CUL2: variants seen among roughly 807,000 people sequenced by gnomAD.
CUL2 encodes the protein cullin-2.
A neutral mutation model predicts 110.2 loss-of-function variants in CUL2; 22 were observed. That is an observed-to-expected ratio of 0.20 (90% CI 0.14 to 0.28). CUL2 has a LOEUF of 0.28. Among genes scored for constraint, CUL2 ranks in the 10% least tolerant of loss-of-function variants. The probability of loss-of-function intolerance (pLI) is 1.00; values close to 1 mark genes in which losing one functional copy is unlikely to be tolerated. For missense variants in CUL2, 631 were observed against 905.5 expected, an observed-to-expected ratio of 0.70 and a Z score of 3.89; for synonymous variants, 279 against 293.2, an observed-to-expected ratio of 0.95 and a Z score of 0.49.
chr10:35,065,736 G>T (rs2086503051), intron 2 of CUL2, among the ~76,000 whole-genome samples: 1 of 152,080 alleles, frequency 6.6e-6, no homozygotes, highest in South Asian at 2.1e-4. Flanking sequence ...GCACATGCCT[G>T]TAATGCCAGC....
intron 1 of CUL2, 55 bp from the exon 2 acceptor site, chr10:35,071,394 TTTG>T (rs1418754790): frequency 1.0e-5 from 15 of 1,486,352 alleles, no homozygotes; most frequent in Admixed American, 5.6e-5. Context: ...GCTTAGTTTT[TTTG>T]TTGTTGTTTT....
At chr10:35,023,755 A>T (rs1469001746) in intron 17 of CUL2, among the ~76,000 whole-genome samples, 4 of 130,822 alleles carry the variant, frequency 3.1e-5, no homozygotes, top group Non-Finnish European at 6.8e-5. Flanking sequence ...TAGTTTTCTT[A>T]GGGGAAAAAA....
At chr10:35,054,673 T>C (rs2086198872) in intron 4 of CUL2, 134 bp from the exon 5 acceptor site, 2 of 515,590 alleles carry the variant, frequency 3.9e-6, no homozygotes, top group African/African-American at 4.0e-5. Context: ...CCAAAAGAAA[T>C]GAATTATGTA....
chr10:35,061,874 CAG>C (rs1285496693), intron 3 of CUL2, among the ~76,000 whole-genome samples: 5 of 150,558 alleles, frequency 3.3e-5, no homozygotes, highest in African/African-American at 1.2e-4. Flanking sequence ...TCCCAAAGTA[CAG>C]AGATTACAGG....
chr10:35,119,558 A>AATTT (rs2087651042), intron 1 of CUL2, among the ~76,000 whole-genome samples: 1 of 140,900 alleles, frequency 7.1e-6, no homozygotes, highest in Non-Finnish European at 1.5e-5. Flanking sequence ...TTTTAAAATT[A>AATTT]ATTTTATTTA....
chr10:35,020,175 A>T (rs985828258), intron 17 of CUL2, among the ~76,000 whole-genome samples: 8 of 152,242 alleles, frequency 5.3e-5, no homozygotes, highest in African/African-American at 1.2e-4. Flanking sequence ...TTAAAAAAAA[A>T]AAAAATAAAT....
At chr10:35,028,914 A>G in intron 15 of CUL2, 27 bp from the exon 16 acceptor site, 1 of 1,376,934 alleles carries the variant, frequency 7.3e-7, no homozygotes. Context: ...AAAATAAAAT[A>G]AGCTAAATGG....
intron 2 of CUL2, among the ~76,000 whole-genome samples, chr10:35,068,847 T>C (rs1426864542): frequency 6.6e-6 from 1 of 152,122 alleles, no homozygotes; most frequent in African/African-American, 2.4e-5. Context: ...TTTTACCTTA[T>C]AACAATTAGT....
At position 35,082,148 on chromosome 10, in the gene CUL2, A is replaced by T. The variant is rs1231547457; in HGVS notation, c.-23+8031T>A. ...TCATCTTGACTGAAAAAAAAAAAAAATTTGCCTGCAGTGAGTTATGATCAC... is the reference window on the plus strand; with the variant it reads ...TCATCTTGACTGAAAAAAAAAAAAATTTTGCCTGCAGTGAGTTATGATCAC... On this transcript the variant is annotated intron_variant, in intron 1 of 20. Coordinates refer to ENST00000374749, the MANE Select transcript of CUL2 (RefSeq NM_003591.4). Among the ~76,000 whole-genome samples the T allele has an allele frequency of 1.3e-5, 2 of 151,656 alleles. 1 individual carries two copies. Among genetic ancestry groups the T allele is most frequent in the Admixed American group, 1.3e-4 (2 of 15,218 alleles).
chr10:35,026,282 A>AG lies in CUL2; in HGVS notation c.1618-1085dup, dbSNP rs2085333903. Among the ~76,000 whole-genome samples the AG allele has an allele frequency of 3.3e-5, 5 of 152,348 alleles. No homozygotes were observed. In the South Asian group the frequency reaches 1.0e-3, roughly 32 times the overall value. On this transcript the variant is annotated intron_variant, in intron 16 of 20. Transcript: ENST00000374749. ...CTGCTTAGTTCTAATCCAGACAAAC[A>AG]GCAAATTGAAATATGTCATAAGAGG... is the stretch of plus-strand genomic sequence containing the variant.
In CUL2 at chr10:35,009,154, G is replaced by C. The variant is rs2084832136; in HGVS notation, c.*1157C>G. On this transcript the variant is annotated 3_prime_UTR_variant, in exon 21 of 21. Transcript: ENST00000374749. ...TGGATAGACAATAAATATGATAATA[G>C]ATCGCAGTACTCTTAACACTGCTGT... 1 of 145,916 alleles carries C rather than the reference G, an allele frequency of 6.9e-6. No homozygotes were observed. Among genetic ancestry groups the C allele is most frequent in the African/African-American group, 2.5e-5 (1 of 39,800 alleles). 9.0% of individuals were successfully genotyped at this position (145,916 alleles called of 1,614,324 possible).
chr10:35,029,713 T>G (rs970877516), intron 14 of CUL2, 73 bp from the exon 15 acceptor site: 1 of 1,130,256 alleles, frequency 8.8e-7, no homozygotes, highest in Non-Finnish European at 1.2e-6. Context: ...TAATAATGTG[T>G]CGGTATTGCT....
At chr10:35,103,342 T>G (rs1417449010) in intron 1 of CUL2, among the ~76,000 whole-genome samples, 1 of 132,498 alleles carries the variant, frequency 7.5e-6, no homozygotes, top group Non-Finnish European at 1.6e-5. Context: ...TATTTTTTTT[T>G]GAGACGGAGT....
intron 16 of CUL2, among the ~76,000 whole-genome samples, chr10:35,027,807 T>C (rs2085374059): frequency 1.3e-5 from 2 of 152,166 alleles, no homozygotes; most frequent in African/African-American, 2.4e-5. Context: ...GAGAGAATAG[T>C]ATTTTTGGAA....
At chr10:35,057,238 T>C (rs1247812837) in intron 4 of CUL2, among the ~76,000 whole-genome samples, 1 of 152,262 alleles carries the variant, frequency 6.6e-6, no homozygotes, top group Non-Finnish European at 1.5e-5. Flanking sequence ...GCTTTGTATC[T>C]GCAAAGACAA....
chr10:35,013,465 G>A (rs1434268291), intron 19 of CUL2, among the ~76,000 whole-genome samples: 1 of 152,058 alleles, frequency 6.6e-6, no homozygotes, highest in Non-Finnish European at 1.5e-5. Flanking sequence ...ACATTCTAAT[G>A]GTTTAAGAGC....
At chr10:35,073,008 G>A (rs566645708) in intron 1 of CUL2, among the ~76,000 whole-genome samples, 6 of 152,196 alleles carry the variant, frequency 3.9e-5, no homozygotes, top group African/African-American at 9.6e-5. Flanking sequence ...GTAGGATGGC[G>A]GCCGCACCAC....
At chr10:35,074,224 C>G (rs1262265614) in intron 1 of CUL2, 1 of 1,535,158 alleles carries the variant, frequency 6.5e-7, no homozygotes, top group East Asian at 2.4e-5. Context: ...TTACTCTGTA[C>G]ATAAAGTACA....
chr10:35,038,941 T>C lies in CUL2; in HGVS notation c.856A>G (p.Ile286Val), dbSNP rs917048732. 5 of 1,593,696 alleles carry C rather than the reference T, an allele frequency of 3.1e-6. No homozygotes were observed. Among genetic ancestry groups the C allele is most frequent in the Non-Finnish European group, 3.4e-6 (4 of 1,171,364 alleles). The part of the protein sequence containing the change: ...QFLHAECHNI[I>V]RQEKKNDMAN... ...TTACCATTTTTTTTCTCTTGTCGAATTATATTATGACATTCTGCATGTAAA... is the reference window on the plus strand; with the variant it reads ...TTACCATTTTTTTTCTCTTGTCGAACTATATTATGACATTCTGCATGTAAA... Residue 286 changes from isoleucine (I) to valine (V), a missense_variant, in exon 9 of 21, where the codon ATT (isoleucine) becomes GTT (valine). By Grantham distance (29) the Ile-to-Val change is conservative. Coordinates refer to ENST00000374749, the MANE Select transcript of CUL2 (RefSeq NM_003591.4).
Sources: allele counts gnomAD v4.1 joint callset (sites outside exome capture counted in the v4.1 genomes callset), GRCh38; gene constraint gnomAD v4.1.1; transcripts MANE v1.5; gene names NCBI Gene and HGNC (gene_info 2026-07-23, HGNC 2026-07-21).